Variants in EXOC6 observed in about 807,000 individuals in gnomAD.
EXOC6 encodes exocyst complex component 6.
Under a neutral mutation model 112.5 loss-of-function variants are expected in EXOC6, and 60 were observed. The observed-to-expected ratio is 0.53, with a 90% CI of 0.43 to 0.66. EXOC6 has a LOEUF of 0.66. Ranked by LOEUF, EXOC6 falls within the 30% of genes least tolerant of loss-of-function variation. The probability of loss-of-function intolerance (pLI) is 0.00; values close to 1 mark genes in which losing one functional copy is unlikely to be tolerated. For missense variants in EXOC6, 855 were observed against 957.1 expected (o/e 0.89, Z 1.41); for synonymous variants, 295 against 308.0 (o/e 0.96, Z 0.44).
chr10:93,046,080 T>C (rs907623208), intron 20 of EXOC6, among the ~76,000 whole-genome samples: 1 of 152,196 alleles, frequency 6.6e-6, no homozygotes, highest in Non-Finnish European at 1.5e-5. Context: ...TGTAGACTTA[T>C]GAAATTATGT....
chr10:92,957,576 A>G (rs1174951339), intron 17 of EXOC6, among the ~76,000 whole-genome samples: 1 of 152,132 alleles, frequency 6.6e-6, no homozygotes, highest in Non-Finnish European at 1.5e-5. Flanking sequence ...TAAATAGCAA[A>G]GCATCTTTGT....
At chr10:92,861,822 A>G (rs1033614204) in intron 1 of EXOC6, among the ~76,000 whole-genome samples, 1 of 152,212 alleles carries the variant, frequency 6.6e-6, no homozygotes, top group Non-Finnish European at 1.5e-5. Context: ...CAGAAATTCA[A>G]ATGGTGTTTT....
chr10:92,836,022 C>G (rs1011327351), intron 1 of EXOC6, among the ~76,000 whole-genome samples: 1 of 152,148 alleles, frequency 6.6e-6, no homozygotes, highest in African/African-American at 2.4e-5. Context: ...GTGCATCCAC[C>G]TAGTGGCTAG....
At chr10:93,014,703 C>A (rs942203246) in intron 20 of EXOC6, among the ~76,000 whole-genome samples, 2 of 151,986 alleles carry the variant, frequency 1.3e-5, no homozygotes, top group African/African-American at 4.8e-5. Flanking sequence ...GTAAAGAATG[C>A]TATTTTTATA....
intron 18 of EXOC6, among the ~76,000 whole-genome samples, chr10:92,976,321 C>T (rs1381457208): frequency 6.6e-6 from 1 of 152,214 alleles, no homozygotes; most frequent in Non-Finnish European, 1.5e-5. Context: ...TCACTTTGTT[C>T]TGTACTAAGA....
At chr10:92,973,885 C>G (rs1169679930) in intron 17 of EXOC6, among the ~76,000 whole-genome samples, 168 bp from the exon 18 acceptor site, 1 of 151,520 alleles carries the variant, frequency 6.6e-6, no homozygotes, top group Non-Finnish European at 1.5e-5. Flanking sequence ...GATATCCAGT[C>G]AAATAAATAG....
chr10:93,016,786 T>G (rs1487689394), intron 20 of EXOC6, among the ~76,000 whole-genome samples: 1 of 152,104 alleles, frequency 6.6e-6, no homozygotes, highest in Non-Finnish European at 1.5e-5. Flanking sequence ...AATTCCCTTG[T>G]CAATTGGTGT....
chr10:92,944,837 A>G (rs1449779628), intron 13 of EXOC6, among the ~76,000 whole-genome samples: 4 of 150,978 alleles, frequency 2.6e-5, no homozygotes, highest in Non-Finnish European at 4.4e-5. Context: ...CAATGGTGCA[A>G]TCTCAGCTCA....
chr10:92,901,745 C>G (rs1850181064), intron 5 of EXOC6: 1 of 149,490 alleles, frequency 6.7e-6, no homozygotes, highest in Non-Finnish European at 1.5e-5. Flanking sequence ...CACCTGTAAT[C>G]TCAGCACTTT....
At chr10:92,849,154 G>C (rs1470168427) in intron 1 of EXOC6, among the ~76,000 whole-genome samples, 1 of 152,150 alleles carries the variant, frequency 6.6e-6, no homozygotes, top group Non-Finnish European at 1.5e-5. Context: ...ACGCCGGCCC[G>C]CTTTCCCCCT....
Position 93,017,330 on chromosome 10 carries a change from C to T in EXOC6, c.2169+3063C>T, listed in dbSNP as rs187968285. ...TGGGGGCTGGGCACGGTGGCTCACA[C>T]CTGTAATCCCAGCACTTTGGAAGGC... is the stretch of plus-strand genomic sequence containing the variant. On this transcript the variant is annotated intron_variant, in intron 20 of 21. Coordinates refer to ENST00000260762, the MANE Select transcript of EXOC6 (RefSeq NM_019053.6). Among the ~76,000 whole-genome samples, 190 of 151,998 alleles carry T rather than the reference C, an allele frequency of 1.3e-3. 1 individual carries two copies. The highest frequency in any genetic ancestry group is 2.3e-3 in the Non-Finnish European group (156 of 67,974).
chr10:92,993,847 T>G (rs1433652798), intron 18 of EXOC6, among the ~76,000 whole-genome samples: 1 of 152,222 alleles, frequency 6.6e-6, no homozygotes, highest in Non-Finnish European at 1.5e-5. Context: ...ATTTCACAGC[T>G]TGCAGTGAGG....
intron 17 of EXOC6, among the ~76,000 whole-genome samples, chr10:92,965,435 G>C (rs185570695): frequency 1.7e-3 from 261 of 152,124 alleles, no homozygotes; most frequent in African/African-American, 6.1e-3. Context: ...AACAAACAAA[G>C]GAAGAATTAC....
chr10:92,830,026 C>A (rs1487269479), upstream of EXOC6, among the ~76,000 whole-genome samples: 1 of 152,204 alleles, frequency 6.6e-6, no homozygotes, highest in Admixed American at 6.5e-5. Flanking sequence ...GAATAATCCA[C>A]CCCTTGTTTA....
chr10:92,969,269 C>T (rs892406535), intron 17 of EXOC6, among the ~76,000 whole-genome samples: 3 of 152,014 alleles, frequency 2.0e-5, no homozygotes, highest in African/African-American at 7.2e-5. Context: ...TTTGAGGCAG[C>T]CAAGCAACAT....
chr10:93,031,510 CTTTTTTTTTTT>C (rs778524287), intron 20 of EXOC6, among the ~76,000 whole-genome samples: 2 of 130,452 alleles, frequency 1.5e-5, no homozygotes, highest in Non-Finnish European at 3.2e-5. Flanking sequence ...TTCTTTCTTT[CTTTTTTTTTTT>C]TTTTTTTTTG....
intron 1 of EXOC6, among the ~76,000 whole-genome samples, chr10:92,858,801 TG>T (rs1483680266): frequency 3.9e-5 from 6 of 152,216 alleles, no homozygotes; most frequent in African/African-American, 1.2e-4. Flanking sequence ...AGTCTTGCTC[TG>T]TCACCCAGGT....
At chr10:93,014,371 C>T in intron 20 of EXOC6, 104 bp downstream of exon 20, 1 of 861,972 alleles carries the variant, frequency 1.2e-6, no homozygotes, top group East Asian at 2.5e-5. Context: ...TGCCTTGAAA[C>T]AACCTATCTT....
At chr10:92,976,049 G>A (rs866244178) in intron 18 of EXOC6, among the ~76,000 whole-genome samples, 3,735 of 123,562 alleles carry the variant, frequency 0.03, 216 homozygotes, top group East Asian at 0.14. Flanking sequence ...GGGAGGTGGG[G>A]GGGGGGGTCA....
Sources: gnomAD v4.1 joint callset for allele counts (sites outside exome capture counted in the v4.1 genomes callset) on GRCh38, gnomAD v4.1.1 for gene constraint, MANE v1.5 for transcripts, NCBI Gene and HGNC (gene_info 2026-07-23, HGNC 2026-07-21) for gene names.